The following RYR3 variants were observed in gnomAD, a reference collection of about 807,000 sequenced individuals.
RYR3 encodes brain ryanodine receptor-calcium release channel.
RYR3 carries 207 observed loss-of-function variants against 584.3 expected under a neutral mutation model. That is an observed-to-expected ratio of 0.35 (90% confidence interval 0.32 to 0.40). RYR3 has a LOEUF of 0.40. Among genes scored for constraint, RYR3 ranks in the 10% least tolerant of loss-of-function variants. RYR3 has a pLI of 1.00. For missense variants in RYR3, 5,616 were observed against 6,089.2 expected, an observed-to-expected ratio of 0.92 and a Z score of 2.59; for synonymous variants, 2,416 against 2,248.5, an observed-to-expected ratio of 1.07 and a Z score of -2.11.
intron 1 of RYR3, among the ~76,000 whole-genome samples, chr15:33,439,112 A>T (rs74005624): frequency 0.053 from 8,066 of 152,224 alleles, 641 homozygotes; most frequent in African/African-American, 0.18. Flanking sequence ...AAATTTTTTT[A>T]AAATTTTGTT....
intron 19 of RYR3, among the ~76,000 whole-genome samples, chr15:33,620,922 T>C (rs2060694160): frequency 6.6e-6 from 1 of 152,216 alleles, no homozygotes; most frequent in South Asian, 2.1e-4. Context: ...CACTGCACGA[T>C]GATGTTTAAA....
At chr15:33,517,016 G>C (rs770150556) in intron 3 of RYR3, among the ~76,000 whole-genome samples, 11 of 151,988 alleles carry the variant, frequency 7.2e-5, no homozygotes, top group Non-Finnish European at 1.5e-4. Context: ...TTTTGAGATG[G>C]AGTCTCACTC....
intron 1 of RYR3, among the ~76,000 whole-genome samples, chr15:33,428,908 T>C (rs1462432016): frequency 6.6e-6 from 1 of 152,222 alleles, no homozygotes; most frequent in Non-Finnish European, 1.5e-5. Flanking sequence ...AAGTGTGACT[T>C]GAACATCGTA....
chr15:33,350,798 A>G (rs1480762657), intron 1 of RYR3, among the ~76,000 whole-genome samples: 1 of 151,644 alleles, frequency 6.6e-6, no homozygotes, highest in Non-Finnish European at 1.5e-5. Flanking sequence ...AATGCCCACA[A>G]GAGAAAGCAG....
At chr15:33,312,022 T>G (rs569939383) in intron 1 of RYR3, among the ~76,000 whole-genome samples, 1 of 152,374 alleles carries the variant, frequency 6.6e-6, no homozygotes, top group South Asian at 2.1e-4. Flanking sequence ...TCCGCCCTAC[T>G]CAGCCTCAGT....
chr15:33,519,979 A>G (rs2053854821), intron 3 of RYR3, among the ~76,000 whole-genome samples: 1 of 152,230 alleles, frequency 6.6e-6, no homozygotes, highest in Non-Finnish European at 1.5e-5. Flanking sequence ...TCGATCTCCA[A>G]CTAGGAAAAT....
At chr15:33,504,168 C>G (rs1300972389) in intron 3 of RYR3, among the ~76,000 whole-genome samples, 2 of 152,318 alleles carry the variant, frequency 1.3e-5, no homozygotes, top group East Asian at 3.9e-4. Flanking sequence ...TGATTTCCTA[C>G]AGAATTATGA....
intron 1 of RYR3, among the ~76,000 whole-genome samples, chr15:33,410,774 T>G (rs933348400): frequency 2.0e-5 from 3 of 152,166 alleles, no homozygotes; most frequent in African/African-American, 7.2e-5. Context: ...GTTCTCATGC[T>G]CCTAATAAAG....
intron 27 of RYR3, among the ~76,000 whole-genome samples, chr15:33,639,271 A>G (rs1165584768): frequency 6.6e-6 from 1 of 152,222 alleles, no homozygotes; most frequent in Non-Finnish European, 1.5e-5. Context: ...TTGTACTGTA[A>G]TGTGTTAGCA....
In RYR3 at chr15:33,660,314, A is replaced by G. The variant is rs2063082895; in HGVS notation, c.4513A>G (p.Asn1505Asp). The change falls in exon 34 of 104, where the codon AAC (asparagine) becomes GAC (aspartate). Residue 1505 changes from asparagine (N) to aspartate (D), a missense_variant. Asn to Asp is a conservative substitution (Grantham distance 23). Around this residue, in one of 9 missense-constraint regions of RYR3, gnomAD observed 753 missense variants for 741.0 expected, o/e 1.02. Transcript: ENST00000634891. ...GCCCGTGCTCTGGAGCCGCATGCCCAACAGCTTCCTGAAGGTGGAGACCGA... is the reference window on the plus strand; with the variant it reads ...GCCCGTGCTCTGGAGCCGCATGCCCGACAGCTTCCTGAAGGTGGAGACCGA... ...IQPVLWSRMP[N>D]SFLKVETERV... 6.3e-7 allele frequency: 1 copy of G among 1,585,320 alleles called. No homozygotes were observed. Among genetic ancestry groups the G allele is most frequent in the Admixed American group, 1.8e-5 (1 of 55,744 alleles).
chr15:33,864,251 T>G (rs1567370415), intron 103 of RYR3, 62 bp downstream of exon 103: 1 of 1,284,636 alleles, frequency 7.8e-7, no homozygotes, highest in Non-Finnish European at 1.1e-6. Context: ...TGAGACTTAG[T>G]AGGGCATAGG....
At chr15:33,846,745 C>T (rs568401275) in intron 93 of RYR3, among the ~76,000 whole-genome samples, 2 of 152,330 alleles carry the variant, frequency 1.3e-5, no homozygotes, top group Non-Finnish European at 2.9e-5. Flanking sequence ...GTTGAACTCA[C>T]AGCTCTGCCA....
chr15:33,564,377 A>G (rs1167908947), intron 11 of RYR3, among the ~76,000 whole-genome samples: 4 of 152,208 alleles, frequency 2.6e-5, no homozygotes, highest in African/African-American at 9.6e-5. Flanking sequence ...CTAGGGATAT[A>G]CAAGTCAGGG....
chr15:33,398,387 TAA>T (rs1272561362), intron 1 of RYR3, among the ~76,000 whole-genome samples: 1 of 152,130 alleles, frequency 6.6e-6, no homozygotes, highest in Admixed American at 6.5e-5. Context: ...CTAAAGAACA[TAA>T]ACAGTGAATT....
intron 1 of RYR3, among the ~76,000 whole-genome samples, chr15:33,402,054 A>G (rs1361071458): frequency 6.6e-6 from 1 of 152,212 alleles, no homozygotes; most frequent in African/African-American, 2.4e-5. Flanking sequence ...GGAGAAGCCA[A>G]ACAGCTAAAA....
At position 33,734,498 on chromosome 15, in the gene RYR3, A is replaced by G. The variant is rs1251900397; in HGVS notation, c.7425-1737A>G. On this transcript the variant is annotated intron_variant, in intron 48 of 103. Transcript: ENST00000634891. ...TTTGTAATTGGTTGGTAATGCATCA[A>G]TAACAGCTGCGATCGTGTTCCACCT... 2.0e-5 allele frequency among the ~76,000 whole-genome samples: 3 copies of G among 152,262 alleles called. No homozygotes were observed. The South Asian group carries it at 6.2e-4, about 32-fold the overall frequency.
chr15:33,755,254 C>G (rs2071698396), intron 58 of RYR3, 74 bp downstream of exon 58: 2 of 915,086 alleles, frequency 2.2e-6, no homozygotes. Context: ...CAGACTGTAA[C>G]TTTTTATGAT....
At chr15:33,506,352 T>A (rs1183458076) in intron 3 of RYR3, among the ~76,000 whole-genome samples, 3 of 152,208 alleles carry the variant, frequency 2.0e-5, no homozygotes, top group Non-Finnish European at 2.9e-5. Context: ...AAATCTTATT[T>A]GAATAATCTA....
intron 1 of RYR3, among the ~76,000 whole-genome samples, chr15:33,413,737 C>T (rs140101027): frequency 4.3e-4 from 66 of 152,328 alleles, no homozygotes; most frequent in African/African-American, 1.2e-3. Context: ...CTCAGCTCTG[C>T]GCTGTTTCTG....
Sources: allele counts gnomAD v4.1 joint callset (sites outside exome capture counted in the v4.1 genomes callset), GRCh38; gene constraint gnomAD v4.1.1; regional missense constraint gnomAD v4.1.1; transcripts MANE v1.5; gene names NCBI Gene and HGNC (gene_info 2026-07-23, HGNC 2026-07-21).